Variants in LAMA3 observed in about 807,000 individuals in gnomAD.
LAMA3 encodes the protein laminin subunit alpha-3.
Under a neutral mutation model 402.0 loss-of-function variants are expected in LAMA3, and 281 were observed. The ratio of observed to expected loss-of-function variants is 0.70; its 90% CI spans 0.63 to 0.77. The LOEUF is 0.77. Among genes scored for constraint, LAMA3 ranks in the 30% least tolerant of loss-of-function variants. The probability of loss-of-function intolerance (pLI) is 0.00; values close to 1 mark genes in which losing one functional copy is unlikely to be tolerated. For synonymous variants in LAMA3, 1,431 were observed against 1,558.4 expected (o/e 0.92, Z 1.93); for missense variants, 3,840 against 4,215.5 (o/e 0.91, Z 2.47).
intron 15 of LAMA3, 142 bp from the exon 16 acceptor site, chr18:23,815,046 T>C (rs923203981): frequency 1.6e-5 from 12 of 745,034 alleles, no homozygotes; most frequent in Middle Eastern, 3.5e-4. Flanking sequence ...ATTTTAGGCC[T>C]CAGCGATGCA....
At chr18:23,709,209 T>C (rs1330032441) in intron 1 of LAMA3, among the ~76,000 whole-genome samples, 3 of 152,218 alleles carry the variant, frequency 2.0e-5, no homozygotes, top group African/African-American at 7.2e-5. Flanking sequence ...TAGCTGGGAC[T>C]ACAGGCAGGC....
chr18:23,919,898 C>T (rs149358789), intron 60 of LAMA3, among the ~76,000 whole-genome samples: 140 of 152,048 alleles, frequency 9.2e-4, no homozygotes, highest in African/African-American at 2.9e-3. Flanking sequence ...GGGAGACCGG[C>T]GGGTTGTTGC....
chr18:23,951,071 A>G (rs2082891467), intron 72 of LAMA3, among the ~76,000 whole-genome samples: 1 of 152,224 alleles, frequency 6.6e-6, no homozygotes, highest in Non-Finnish European at 1.5e-5. Flanking sequence ...ATTTATAAAC[A>G]CACTTATTTT....
intron 23 of LAMA3, among the ~76,000 whole-genome samples, chr18:23,832,925 T>C (rs1278902470): frequency 6.6e-6 from 1 of 152,224 alleles, no homozygotes; most frequent in Non-Finnish European, 1.5e-5. Flanking sequence ...GTGTTTTTTA[T>C]ATGTCAGATA....
At chr18:23,742,650 A>AT (rs2061582755) in intron 2 of LAMA3, among the ~76,000 whole-genome samples, 2 of 147,938 alleles carry the variant, frequency 1.4e-5, no homozygotes, top group Non-Finnish European at 3.0e-5. Flanking sequence ...AGAATCAAAA[A>AT]TGTGTGTGTG....
intron 51 of LAMA3, among the ~76,000 whole-genome samples, chr18:23,905,030 A>T (rs1568325164): frequency 6.6e-6 from 1 of 151,902 alleles, no homozygotes; most frequent in Non-Finnish European, 1.5e-5. Context: ...CTTGATCAGC[A>T]TTTTCATCAG....
intron 69 of LAMA3, 100 bp downstream of exon 69, chr18:23,944,071 G>T: frequency 8.4e-7 from 1 of 1,193,636 alleles, no homozygotes; most frequent in Non-Finnish European, 1.2e-6. Context: ...ACATGAGGGC[G>T]TGGAGTGGGA....
At chr18:23,823,126 C>T (rs1183565833) in intron 20 of LAMA3, among the ~76,000 whole-genome samples, 4 of 152,128 alleles carry the variant, frequency 2.6e-5, no homozygotes, top group Non-Finnish European at 4.4e-5. Context: ...ATGTCATTTC[C>T]GAGTTGTGTC....
At chr18:23,716,809 C>T (rs943585001) in intron 2 of LAMA3, among the ~76,000 whole-genome samples, 1 of 152,168 alleles carries the variant, frequency 6.6e-6, no homozygotes, top group African/African-American at 2.4e-5. Flanking sequence ...TTGCTCTGCT[C>T]ACTTGCTGTG....
intron 23 of LAMA3, among the ~76,000 whole-genome samples, chr18:23,827,685 A>G (rs868415377): frequency 7.9e-5 from 12 of 152,120 alleles, no homozygotes; most frequent in African/African-American, 1.4e-4. Flanking sequence ...CTTTCTAGAC[A>G]TGGCAGGGGA....
intron 41 of LAMA3, among the ~76,000 whole-genome samples, chr18:23,888,276 A>C (rs542239651): frequency 8.5e-5 from 13 of 152,312 alleles, no homozygotes; most frequent in African/African-American, 2.9e-4. Context: ...TTCTTGTAAT[A>C]ATTTCAAATG....
intron 2 of LAMA3, among the ~76,000 whole-genome samples, chr18:23,715,990 ATAT>A (rs1217868131): frequency 5.3e-5 from 8 of 152,186 alleles, no homozygotes; most frequent in African/African-American, 1.9e-4. Flanking sequence ...TCTCCTGAGA[ATAT>A]TTTCACCATT....
chr18:23,923,825 G>T (rs966450539), intron 62 of LAMA3, among the ~76,000 whole-genome samples: 5 of 152,208 alleles, frequency 3.3e-5, no homozygotes, highest in Non-Finnish European at 7.3e-5. Context: ...AAGGCCCCTA[G>T]ACAGTGATGT....
At chr18:23,702,116 T>C (rs1035053095) in intron 1 of LAMA3, among the ~76,000 whole-genome samples, 4 of 151,730 alleles carry the variant, frequency 2.6e-5, no homozygotes, top group Middle Eastern at 3.4e-3. Flanking sequence ...GTGAGGTTTG[T>C]AGATTATGAA....
At position 23,847,603 on chromosome 18, in the gene LAMA3, C is replaced by G; in HGVS notation, c.4071C>G (p.Asn1357Lys). Residue 1357 changes from asparagine (N) to lysine (K), a missense_variant, in exon 32 of 75, where the codon AAC (asparagine) becomes AAG (lysine). Coordinates refer to ENST00000313654, the MANE Select transcript of LAMA3 (RefSeq NM_198129.4). ...FHPMAGCEGC[N>K]CSRRGTIEAA... ...CCATGGCCGGCTGCGAAGGCTGCAA[C>G]TGTTCCAGGAGGGGCACCATCGAGG... 6.2e-7 allele frequency: 1 copy of G among 1,614,092 alleles called. No individual in the cohort carries two copies. Among genetic ancestry groups the G allele is most frequent in the East Asian group, 2.2e-5 (1 of 44,888 alleles).
intron 68 of LAMA3, among the ~76,000 whole-genome samples, chr18:23,943,042 G>C (rs546418791): frequency 6.6e-6 from 1 of 152,180 alleles, no homozygotes; most frequent in Non-Finnish European, 1.5e-5. Flanking sequence ...GAAAGGAAAG[G>C]CTTCTTTGAT....
intron 51 of LAMA3, among the ~76,000 whole-genome samples, chr18:23,905,098 C>T (rs1287122637): frequency 1.3e-5 from 2 of 151,838 alleles, no homozygotes. Flanking sequence ...TTATATGCAC[C>T]ATATGATAAT....
intron 40 of LAMA3, among the ~76,000 whole-genome samples, chr18:23,882,398 G>T (rs1162959418): frequency 2.0e-5 from 3 of 152,074 alleles, no homozygotes; most frequent in Non-Finnish European, 4.4e-5. Context: ...AGAGGGCCGA[G>T]GAGGGCGGAT....
rs190923680 is a variant in LAMA3 at position 23,843,511 on chromosome 18, G to A, written c.3603+761G>A. Reference sequence around the variant, plus strand: ...GAGGCAACCATTCTCTTCTAGCCCCGTTGTCCTCACTGACCATCCTTCCTC... The same window carrying A: ...GAGGCAACCATTCTCTTCTAGCCCCATTGTCCTCACTGACCATCCTTCCTC... On this transcript the variant is annotated intron_variant, in intron 29 of 74. Transcript: ENST00000313654. 4.6e-5 allele frequency among the ~76,000 whole-genome samples: 7 copies of A among 152,204 alleles called. No individual in the cohort carries two copies. The East Asian group carries it at 9.7e-4, about 21-fold the overall frequency.
Sources: allele counts gnomAD v4.1 joint callset (sites outside exome capture counted in the v4.1 genomes callset), GRCh38; gene constraint gnomAD v4.1.1; transcripts MANE v1.5; gene names NCBI Gene and HGNC (gene_info 2026-07-23, HGNC 2026-07-21).